LRRC40: variants seen among roughly 807,000 people sequenced by gnomAD.
LRRC40 encodes leucine rich repeat containing 40.
A neutral mutation model predicts 72.8 loss-of-function variants in LRRC40; 76 were observed. The observed-to-expected ratio is 1.04, with a 90% CI of 0.87 to 1.26. The LOEUF is 1.26. LRRC40 is among the 50% of genes most tolerant of loss of function. The pLI, the probability that LRRC40 is intolerant of heterozygous loss-of-function variation, is 0.00. For synonymous variants in LRRC40, 243 were observed against 254.2 expected, an observed-to-expected ratio of 0.96 and a Z score of 0.42; for missense variants, 684 against 698.9, an observed-to-expected ratio of 0.98 and a Z score of 0.24.
intron 7 of LRRC40, 102 bp downstream of exon 7, chr1:70,175,708 A>G (rs1387844950): frequency 1.2e-6 from 1 of 826,868 alleles, no homozygotes; most frequent in African/African-American, 1.8e-5. Context: ...AGTGAATTCA[A>G]TTTAGAAAAA....
chr1:70,202,676 C>T (rs1668774155), intron 1 of LRRC40, among the ~76,000 whole-genome samples: 1 of 152,082 alleles, frequency 6.6e-6, no homozygotes, highest in South Asian at 2.1e-4. Context: ...CCTAACAAAC[C>T]TATGAACTCC....
At chr1:70,196,006 A>G (rs1668599997) in intron 1 of LRRC40, among the ~76,000 whole-genome samples, 1 of 152,132 alleles carries the variant, frequency 6.6e-6, no homozygotes, top group Non-Finnish European at 1.5e-5. Context: ...GTATGTCTAC[A>G]CAAAGACTTG....
chr1:70,160,090 A>C (rs1667724494), intron 9 of LRRC40, among the ~76,000 whole-genome samples: 1 of 152,160 alleles, frequency 6.6e-6, no homozygotes, highest in African/African-American at 2.4e-5. Context: ...TATTTTTTTA[A>C]ATACACATTT....
At chr1:70,167,246 A>T (rs915532850) in intron 9 of LRRC40, among the ~76,000 whole-genome samples, 10 of 151,112 alleles carry the variant, frequency 6.6e-5, no homozygotes, top group Admixed American at 6.6e-4. Context: ...AAAAAAAAAA[A>T]AGAAAAAAGA....
In LRRC40 at chr1:70,189,264, CA is replaced by C. The variant is rs1192129292; in HGVS notation, c.160del (p.Cys54ValfsTer5). 1 of 1,552,598 alleles carries C rather than the reference CA, an allele frequency of 6.4e-7. No individual in the cohort carries two copies. Among genetic ancestry groups the C allele is most frequent in the Non-Finnish European group, 8.8e-7 (1 of 1,137,340 alleles). Reference sequence around the variant, plus strand: ...GATATCCACATTTATTCTCCAGACACACTGCGGCACTAGTTCCATCAGCACC... The same window carrying C: ...GATATCCACATTTATTCTCCAGACACCTGCGGCACTAGTTCCATCAGCACC... ...SGRNLSEVPQ[C>X]VWRINVDIPE... is the part of the protein sequence containing the mutation. On this transcript the variant is annotated frameshift_variant, in exon 2 of 15. Transcript: ENST00000370952. LOFTEE classifies it high-confidence loss of function.
At chr1:70,154,070 G>A (rs369885023) in intron 11 of LRRC40, among the ~76,000 whole-genome samples, 2 of 150,998 alleles carry the variant, frequency 1.3e-5, no homozygotes, top group African/African-American at 4.9e-5. Context: ...AAAGTTAACC[G>A]AGTAAATCAG....
Position 70,148,589 on chromosome 1 carries a change from T to C in LRRC40, c.1601A>G (p.Asp534Gly). ...LISNNQVGSV[D>G]PQKMKMMENL... ...TTCCATCATCTTCATTTTCTGAGGG[T>C]CCACAGATCCAACCTGATTATTACT... The change falls in exon 14 of 15, where the codon GAC becomes GGC. Residue 534 changes from aspartate (D) to glycine (G), a missense_variant. Physicochemically the swap from Asp to Gly is moderately conservative, Grantham distance 94. Coordinates refer to ENST00000370952, the MANE Select transcript of LRRC40 (RefSeq NM_017768.5). 1.2e-6 allele frequency: 2 copies of C among 1,612,964 alleles called. No homozygotes were observed. The highest frequency in any genetic ancestry group is 1.3e-5 in the African/African-American group (1 of 75,018).
intron 4 of LRRC40, among the ~76,000 whole-genome samples, chr1:70,184,420 C>T (rs1448857327): frequency 6.6e-6 from 1 of 151,904 alleles, no homozygotes; most frequent in Non-Finnish European, 1.5e-5. Flanking sequence ...ATTTGGAAGG[C>T]AGAAGGGCCG....
intron 11 of LRRC40, among the ~76,000 whole-genome samples, chr1:70,154,808 A>C (rs905652198): frequency 6.6e-6 from 1 of 152,186 alleles, no homozygotes; most frequent in African/African-American, 2.4e-5. Context: ...CTCTAGTTAA[A>C]TGCTTTGTGT....
At chr1:70,160,193 T>C (rs75482001) in intron 9 of LRRC40, among the ~76,000 whole-genome samples, 2,229 of 152,238 alleles carry the variant, frequency 0.015, 63 homozygotes, top group African/African-American at 0.05. Flanking sequence ...GTGAAAACGA[T>C]GAAACAGTCC....
chr1:70,163,654 G>A (rs1476656988), intron 9 of LRRC40, among the ~76,000 whole-genome samples: 2 of 152,150 alleles, frequency 1.3e-5, no homozygotes, highest in East Asian at 3.9e-4. Context: ...GCCATGTAAG[G>A]TAACCCATTC....
chr1:70,179,647 T>C (rs1286233857), intron 5 of LRRC40, among the ~76,000 whole-genome samples: 1 of 152,162 alleles, frequency 6.6e-6, no homozygotes, highest in Non-Finnish European at 1.5e-5. Flanking sequence ...TAAACTCAAA[T>C]GTATTTTTAA....
At chr1:70,191,814 CA>C (rs529461316) in intron 1 of LRRC40, among the ~76,000 whole-genome samples, 307 of 152,004 alleles carry the variant, frequency 2.0e-3, no homozygotes, top group African/African-American at 7.0e-3. Context: ...ATATAAATAT[CA>C]AAAAAATTAC....
chr1:70,150,653 T>A (rs1168819643), intron 13 of LRRC40, among the ~76,000 whole-genome samples: 2 of 152,240 alleles, frequency 1.3e-5, no homozygotes, highest in Non-Finnish European at 2.9e-5. Context: ...GTTTGCTTTA[T>A]TGTCCAAAGC....
intron 2 of LRRC40, 87 bp downstream of exon 2, chr1:70,189,005 A>G (rs1668429925): frequency 8.7e-7 from 1 of 1,143,896 alleles, no homozygotes; most frequent in Admixed American, 2.1e-5. Context: ...TACCAACTCA[A>G]CATGAAAGGT....
intron 9 of LRRC40, among the ~76,000 whole-genome samples, chr1:70,171,505 C>A (rs1667999318): frequency 6.6e-6 from 1 of 151,482 alleles, no homozygotes; most frequent in Non-Finnish European, 1.5e-5. Flanking sequence ...TTTAAAAAAA[C>A]AATTAAAAAA....
chr1:70,172,087 A>G (rs1466207367), intron 9 of LRRC40, among the ~76,000 whole-genome samples: 1 of 152,158 alleles, frequency 6.6e-6, no homozygotes, highest in Non-Finnish European at 1.5e-5. Flanking sequence ...TATTGAGGGC[A>G]GAACCCTCAT....
rs1379323310 is a variant in LRRC40, at chr1:70,189,134, A to T, written c.291T>A (p.Leu97=). 11 of 1,613,742 alleles carry T rather than the reference A, an allele frequency of 6.8e-6. No individual in the cohort carries two copies. Among genetic ancestry groups the T allele is most frequent in the Non-Finnish European group, 9.3e-6 (11 of 1,179,974 alleles). Residue 97 remains leucine, a synonymous_variant, in exon 2 of 15, where the codon CTT becomes CTA. Transcript: ENST00000370952. ...LIISNNKLQS[L]TDDLRLLPAL... Reference sequence around the variant, plus strand: ...CAGGCAAGAGTCGCAGGTCATCTGTAAGTGACTGAAGTTTATTGTTTGATA... The same window carrying T: ...CAGGCAAGAGTCGCAGGTCATCTGTTAGTGACTGAAGTTTATTGTTTGATA...
Position 70,184,922 on chromosome 1 carries a change from T to C in LRRC40, c.408-8A>G. On this transcript the variant is annotated splice_polypyrimidine_tract_variant and splice_region_variant and intron_variant, in intron 3 of 14. Coordinates refer to ENST00000370952, the MANE Select transcript of LRRC40 (RefSeq NM_017768.5). ...ATTTTCAGTTTATTATGGCTATTGG[T>C]TGATAAAATAAATGATGAATAATTT... 2 of 1,576,688 alleles carry C rather than the reference T, an allele frequency of 1.3e-6. No individual in the cohort carries two copies. Among genetic ancestry groups the C allele is most frequent in the Non-Finnish European group, 1.7e-6 (2 of 1,157,600 alleles).
Sources: gnomAD v4.1 joint callset for allele counts (sites outside exome capture counted in the v4.1 genomes callset) on GRCh38, gnomAD v4.1.1 for gene constraint, MANE v1.5 for transcripts, NCBI Gene and HGNC (gene_info 2026-07-23, HGNC 2026-07-21) for gene names.